Variants in EPM2A observed in about 807,000 individuals in gnomAD.
EPM2A encodes the protein EPM2A glucan phosphatase, laforin, also known as laforin.
Under a neutral mutation model 26.5 loss-of-function variants are expected in EPM2A, and 21 were observed. The ratio of observed to expected loss-of-function variants is 0.79; its 90% CI spans 0.56 to 1.14. The LOEUF (loss-of-function observed/expected upper bound fraction) is 1.14. Among genes scored for constraint, EPM2A ranks in the 50% most tolerant of loss-of-function variants. EPM2A has a pLI of 0.00. For missense variants in EPM2A, 458 were observed against 440.8 expected (o/e 1.04, Z -0.35); for synonymous variants, 217 against 177.6 (o/e 1.22, Z -1.76).
chr6:145,520,486 T>G (rs575633297), intron 2 of EPM2A, among the ~76,000 whole-genome samples: 2 of 152,174 alleles, frequency 1.3e-5, no homozygotes, highest in South Asian at 4.1e-4. Flanking sequence ...ACTCTTAATC[T>G]CTCCCTGGAA....
chr6:145,551,671 A>G (rs1281817632), intron 2 of EPM2A, among the ~76,000 whole-genome samples: 1 of 152,062 alleles, frequency 6.6e-6, no homozygotes, highest in Non-Finnish European at 1.5e-5. Flanking sequence ...AGAGACTGGC[A>G]GAAATAAATG....
intron 3 of EPM2A, 136 bp downstream of exon 3, chr6:145,635,109 T>C (rs1776545882): frequency 1.0e-6 from 1 of 965,086 alleles, no homozygotes. Context: ...ATATGTATTA[T>C]ATATATTAAA....
At chr6:145,452,312 G>A (rs1184237821) in intron 4 of EPM2A, among the ~76,000 whole-genome samples, 1 of 151,640 alleles carries the variant, frequency 6.6e-6, no homozygotes, top group Non-Finnish European at 1.5e-5. Context: ...CATCTCCAAG[G>A]GCCTTTTCAG....
In EPM2A at chr6:145,674,209, C is replaced by T. The variant is rs371335226; in HGVS notation, c.476+11913G>A. 1.6e-4 allele frequency among the ~76,000 whole-genome samples: 25 copies of T among 152,244 alleles called. 1 individual carries two copies. Among genetic ancestry groups the T allele is most frequent in the African/African-American group, 5.8e-4 (24 of 41,560 alleles). On this transcript the variant is annotated intron_variant, in intron 2 of 3. Transcript: ENST00000367519. ...ACAGACCTGAAGCTGAGGGACCTAA[C>T]TGTTAGAAGAAAAATGAACAAACAG...
intron 1 of EPM2A, among the ~76,000 whole-genome samples, chr6:145,698,133 C>T (rs1291048029): frequency 6.6e-6 from 1 of 152,206 alleles, no homozygotes; most frequent in African/African-American, 2.4e-5. Flanking sequence ...GCCATGGCTT[C>T]AGCCAGTCCC....
chr6:145,673,407 A>G (rs1225340009), intron 2 of EPM2A, among the ~76,000 whole-genome samples: 1 of 152,192 alleles, frequency 6.6e-6, no homozygotes, highest in Non-Finnish European at 1.5e-5. Context: ...TACCTGGTTC[A>G]TCTCACTGGG....
intron 2 of EPM2A, among the ~76,000 whole-genome samples, chr6:145,566,207 T>G (rs1341179350): frequency 6.6e-6 from 1 of 152,178 alleles, no homozygotes; most frequent in Non-Finnish European, 1.5e-5. Context: ...TTCTGTGACA[T>G]TAAGAGAACC....
intron 1 of EPM2A, among the ~76,000 whole-genome samples, chr6:145,704,747 C>T (rs77868620): frequency 6.6e-6 from 1 of 152,196 alleles, no homozygotes; most frequent in South Asian, 2.1e-4. Flanking sequence ...AAGATTATCA[C>T]GTCCAAGGGT....
At chr6:145,715,128 T>A (rs1775544286) in intron 1 of EPM2A, among the ~76,000 whole-genome samples, 1 of 152,234 alleles carries the variant, frequency 6.6e-6, no homozygotes, top group Admixed American at 6.5e-5. Flanking sequence ...GATTATCATA[T>A]ACTTTACAGA....
chr6:145,460,421 T>G (rs1432372143), intron 4 of EPM2A, among the ~76,000 whole-genome samples: 2 of 152,184 alleles, frequency 1.3e-5, no homozygotes, highest in African/African-American at 4.8e-5. Flanking sequence ...ATATAATTAT[T>G]TAGGTTTCCT....
chr6:145,690,988 A>C (rs188959077), intron 1 of EPM2A, among the ~76,000 whole-genome samples: 1,648 of 152,200 alleles, frequency 0.011, 13 homozygotes, highest in Admixed American at 0.017. Context: ...AAAAAAAAAA[A>C]AACAGACACT....
chr6:145,511,829 T>C (rs1275098835), intron 2 of EPM2A, among the ~76,000 whole-genome samples: 1 of 152,196 alleles, frequency 6.6e-6, no homozygotes, highest in Non-Finnish European at 1.5e-5. Flanking sequence ...ATTATTATTG[T>C]TCACTGACAA....
At chr6:145,430,846 C>T (rs1459804461) in intron 4 of EPM2A, among the ~76,000 whole-genome samples, 2 of 152,140 alleles carry the variant, frequency 1.3e-5, no homozygotes, top group Middle Eastern at 6.8e-3. Flanking sequence ...CAAAAGAATG[C>T]TGAAAAAATA....
chr6:145,452,947 T>C (rs1206966807), intron 4 of EPM2A, among the ~76,000 whole-genome samples: 1 of 152,166 alleles, frequency 6.6e-6, no homozygotes, highest in Non-Finnish European at 1.5e-5. Flanking sequence ...CTTTCTCTCT[T>C]AATTGCAATG....
At chr6:145,555,875 C>G (rs1373415320) in intron 2 of EPM2A, among the ~76,000 whole-genome samples, 1 of 152,096 alleles carries the variant, frequency 6.6e-6, no homozygotes, top group Admixed American at 6.6e-5. Context: ...AAGTAGTTCC[C>G]TGACCTTTCT....
chr6:145,494,762 G>C (rs942677002), intron 4 of EPM2A, among the ~76,000 whole-genome samples: 2 of 152,174 alleles, frequency 1.3e-5, no homozygotes, highest in Admixed American at 6.5e-5. Flanking sequence ...TCCAGGGGCA[G>C]ATTATTCAAT....
intron 4 of EPM2A, among the ~76,000 whole-genome samples, chr6:145,495,137 C>T (rs1033088542): frequency 1.3e-5 from 2 of 152,146 alleles, no homozygotes; most frequent in Non-Finnish European, 2.9e-5. Context: ...TTGGAGGCCT[C>T]TAAAAACTTG....
chr6:145,671,083 T>C (rs1316395765), intron 2 of EPM2A: 3 of 985,026 alleles, frequency 3.0e-6, no homozygotes, highest in African/African-American at 3.5e-5. Context: ...CTGTGAACTA[T>C]AGAAGCAGGA....
intron 4 of EPM2A, among the ~76,000 whole-genome samples, chr6:145,485,974 C>G (rs145979109): frequency 6.6e-6 from 1 of 152,188 alleles, no homozygotes; most frequent in Non-Finnish European, 1.5e-5. Context: ...TATCTCCCAC[C>G]AGGTCCCTCC....
Sources: allele counts gnomAD v4.1 joint callset (sites outside exome capture counted in the v4.1 genomes callset), GRCh38; gene constraint gnomAD v4.1.1; transcripts MANE v1.5; gene names NCBI Gene and HGNC (gene_info 2026-07-23, HGNC 2026-07-21).